Variants in ZNF765 observed in about 807,000 individuals in gnomAD.
ZNF765 encodes zinc finger protein 765.
ZNF765 carries 37 observed loss-of-function variants against 44.7 expected under a neutral mutation model. That is an observed-to-expected ratio of 0.83 (90% CI 0.64 to 1.09). The LOEUF (loss-of-function observed/expected upper bound fraction) is 1.09, where lower values mean the gene tolerates loss of function less well. Among genes scored for constraint, ZNF765 ranks in the 50% least tolerant of loss-of-function variants. ZNF765 has a pLI of 0.00. For synonymous variants in ZNF765, 201 were observed against 213.7 expected, an observed-to-expected ratio of 0.94 and a Z score of 0.52; for missense variants, 594 against 626.1, an observed-to-expected ratio of 0.95 and a Z score of 0.55.
At chr19:53,401,890 A>T (rs759889694) in intron 2 of ZNF765, 175 bp from the exon 3 acceptor site, 5 of 1,433,682 alleles carry the variant, frequency 3.5e-6, no homozygotes, top group Admixed American at 1.8e-5. Context: ...AAAAAAAAAA[A>T]GAACTTTAGT....
chr19:53,425,052 C>T (rs1486682127), exon 4 of ZNF765: 1 of 152,202 alleles, frequency 6.6e-6, no homozygotes, highest in Non-Finnish European at 1.5e-5. Context: ...TTATCTGTTG[C>T]TCATTCTCTT....
downstream of ZNF765, among the ~76,000 whole-genome samples, chr19:53,415,517 A>G (rs780896408): frequency 6.6e-5 from 10 of 151,862 alleles, no homozygotes; most frequent in Non-Finnish European, 1.2e-4. Flanking sequence ...GATATAAATG[A>G]CTACTTTTTA....
rs981275834 is a variant in ZNF765 at position 53,399,088 on chromosome 19, TA to T, written c.15+1062del. On this transcript the variant is annotated intron_variant, in intron 2 of 3. Transcript: ENST00000396408. ...ATTAAATATATATTTTTCTTTTTTT[TA>T]AAATTATTATTATACTTTAAGTTTT... Among the ~76,000 whole-genome samples the T allele has an allele frequency of 6.8e-4, 104 of 151,850 alleles. 1 individual carries two copies. Among genetic ancestry groups the T allele is most frequent in the African/African-American group, 2.4e-3 (99 of 41,422 alleles).
chr19:53,402,471 A>G (rs1292787988), intron 3 of ZNF765, among the ~76,000 whole-genome samples: 1 of 151,966 alleles, frequency 6.6e-6, no homozygotes, highest in Non-Finnish European at 1.5e-5. Context: ...CATGTTAGCC[A>G]GGATGGCCTT....
chr19:53,414,433 C>CA (rs2085858062), downstream of ZNF765, among the ~76,000 whole-genome samples: 2 of 68,888 alleles, frequency 2.9e-5, 1 homozygote, highest in Admixed American at 3.4e-4. Context: ...TGACCCTCCC[C>CA]ACCACACACA....
intron 1 of ZNF765, among the ~76,000 whole-genome samples, chr19:53,395,704 G>T (rs2085661058): frequency 6.6e-6 from 1 of 152,226 alleles, no homozygotes; most frequent in Non-Finnish European, 1.5e-5. Context: ...CACAGTCACT[G>T]CTTTCCCTGA....
chr19:53,398,679 T>C (rs1489515731), intron 2 of ZNF765, among the ~76,000 whole-genome samples: 2 of 152,220 alleles, frequency 1.3e-5, no homozygotes, highest in Non-Finnish European at 2.9e-5. Context: ...ACTGTGGGGT[T>C]CCTGTGGAGA....
At chr19:53,422,980 G>A in intron 3 of ZNF765, 1 of 720,982 alleles carries the variant, frequency 1.4e-6, no homozygotes, top group Non-Finnish European at 2.5e-6. Context: ...CTCCCTAGAG[G>A]AGTCCCACAG....
rs532986706 is a variant in ZNF765, at chr19:53,407,595, C to G, written c.143-103C>G. Reference sequence around the variant, plus strand: ...TCCTAAACTTTGAGGGTCATGTTTGCAAAGTTTAAAATAAGTATTGTTTTT... The same window carrying G: ...TCCTAAACTTTGAGGGTCATGTTTGGAAAGTTTAAAATAAGTATTGTTTTT... On this transcript the variant is annotated intron_variant, in intron 3 of 3. Coordinates refer to ENST00000396408, the MANE Select transcript of ZNF765 (RefSeq NM_001040185.3). The G allele has an allele frequency of 8.7e-5, 78 of 896,794 alleles. No homozygotes were observed. In the South Asian group the frequency reaches 2.1e-3, roughly 25 times the overall value. 55.6% of individuals were successfully genotyped at this position (896,794 alleles called of 1,614,324 possible).
chr19:53,409,535 A>G lies in ZNF765; in HGVS notation c.*408A>G, dbSNP rs200639112. 1.8e-6 allele frequency: 2 copies of G among 1,107,660 alleles called. No individual in the cohort carries two copies. Among genetic ancestry groups the G allele is most frequent in the Admixed American group, 2.0e-5 (1 of 49,746 alleles). 68.6% of individuals were successfully genotyped at this position (1,107,660 alleles called of 1,614,324 possible). A position where few individuals can be genotyped will look rare whatever the true frequency, so the allele number is the denominator to read the frequency against. On this transcript the variant is annotated 3_prime_UTR_variant, in exon 4 of 4. Transcript: ENST00000396408. ...AGACTTCGTACTGGAGAGAAACCTT[A>G]CAAATGTGAAGAATTTGAGTTTTCC... is the stretch of plus-strand genomic sequence containing the variant.
intron 3 of ZNF765, among the ~76,000 whole-genome samples, chr19:53,421,505 A>T (rs1227998005): frequency 6.8e-6 from 1 of 146,176 alleles, no homozygotes; most frequent in Non-Finnish European, 1.5e-5. Context: ...GACATAATTT[A>T]ATTTTATTTA....
intron 3 of ZNF765, among the ~76,000 whole-genome samples, chr19:53,406,854 G>A (rs2085780302): frequency 6.6e-6 from 1 of 152,182 alleles, no homozygotes; most frequent in Non-Finnish European, 1.5e-5. Context: ...GGTGGAGGTT[G>A]CAGTGAGCTG....
Position 53,410,300 on chromosome 19 carries a change from T to A in ZNF765, c.*1173T>A. 2.8e-6 allele frequency: 1 copy of A among 358,956 alleles called. No individual in the cohort carries two copies. The allele number at this position is 358,956 out of a possible 1,614,324, so 22.2% of individuals were successfully genotyped here. On this transcript the variant is annotated 3_prime_UTR_variant, in exon 4 of 4. Transcript: ENST00000396408. ...AAAGTTTACAGTCGCAAATCAAGCCTCCAAAGACAGGAGAATTCATACTGG... is the reference window on the plus strand; with the variant it reads ...AAAGTTTACAGTCGCAAATCAAGCCACCAAAGACAGGAGAATTCATACTGG...
intron 3 of ZNF765, among the ~76,000 whole-genome samples, chr19:53,405,937 A>ATATG (rs1555832268): frequency 2.1e-5 from 2 of 94,470 alleles, no homozygotes; most frequent in Non-Finnish European, 4.1e-5. Flanking sequence ...ATATATATAT[A>ATATG]TATATATATA....
chr19:53,414,177 G>A (rs1377869287), downstream of ZNF765, among the ~76,000 whole-genome samples: 2 of 144,026 alleles, frequency 1.4e-5, no homozygotes, highest in Non-Finnish European at 3.0e-5. Flanking sequence ...GGAGGCGGAA[G>A]TTGCAGTGAG....
chr19:53,408,385 G>A lies in ZNF765; in HGVS notation c.830G>A (p.Gly277Asp). The change falls in exon 4 of 4, where the codon GGC (glycine) becomes GAC (aspartate). Residue 277 changes from glycine (G) to aspartate (D), a missense_variant. Gly to Asp is a moderately conservative substitution (Grantham distance 94). This residue lies in a region of ZNF765 where 567 missense variants were observed against 572.6 expected (regional missense o/e 0.99). Transcript: ENST00000396408. ...AAACCTTACAAGTGTAATGAGTGTG[G>A]CAAGACCTTCAGTCAGACATATTAC... The part of the protein sequence containing the change: ...GEKPYKCNEC[G>D]KTFSQTYYLT... The A allele has an allele frequency of 6.2e-7, 1 of 1,614,188 alleles. No individual in the cohort carries two copies. Among genetic ancestry groups the A allele is most frequent in the Non-Finnish European group, 8.5e-7 (1 of 1,180,006 alleles).
chr19:53,398,146 C>T (rs2085688981), intron 2 of ZNF765, 116 bp downstream of exon 2: 4 of 1,558,292 alleles, frequency 2.6e-6, no homozygotes, highest in Non-Finnish European at 3.5e-6. Flanking sequence ...TGCTCGCACT[C>T]ACCCATGCCT....
chr19:53,403,220 T>C (rs2085745271), intron 3 of ZNF765, among the ~76,000 whole-genome samples: 1 of 152,160 alleles, frequency 6.6e-6, no homozygotes, highest in Non-Finnish European at 1.5e-5. Flanking sequence ...TGTGAGTCTC[T>C]TGTAGACAAC....
At chr19:53,398,266 A>G (rs1039667551) in intron 2 of ZNF765, among the ~76,000 whole-genome samples, 4 of 152,180 alleles carry the variant, frequency 2.6e-5, no homozygotes, top group African/African-American at 7.2e-5. Flanking sequence ...ACACCCAGAC[A>G]TGGATGGAGA....
Sources: gnomAD v4.1 joint callset for allele counts (sites outside exome capture counted in the v4.1 genomes callset) on GRCh38, gnomAD v4.1.1 for gene constraint, gnomAD v4.1.1 regional missense constraint, MANE v1.5 for transcripts, NCBI Gene and HGNC (gene_info 2026-07-23, HGNC 2026-07-21) for gene names.